TASOR2: variants seen among roughly 807,000 people sequenced by gnomAD.
The protein encoded by TASOR2 is transcription activation suppressor family member 2.
In TASOR2, 84 loss-of-function variants were observed where a neutral mutation model predicts 199.5. The ratio of observed to expected loss-of-function variants is 0.42; its 90% CI spans 0.35 to 0.50. TASOR2 has a LOEUF of 0.50. Ranked by LOEUF, TASOR2 falls within the 20% of genes least tolerant of loss-of-function variation. TASOR2 has a pLI of 0.02. For synonymous variants in TASOR2, 1,103 were observed against 1,046.6 expected, an observed-to-expected ratio of 1.05 and a Z score of -1.04; for missense variants, 2,796 against 2,835.9, an observed-to-expected ratio of 0.99 and a Z score of 0.32.
chr10:5,698,205 A>G lies in TASOR2; in HGVS notation c.-288+13030A>G, dbSNP rs1837384061. 6.6e-6 allele frequency among the ~76,000 whole-genome samples: 1 copy of G among 152,196 alleles called. No individual in the cohort carries two copies. The highest frequency in any genetic ancestry group is 2.4e-5 in the African/African-American group (1 of 41,444). Reference sequence around the variant, plus strand: ...GCCTAAGCCTTAAGAGGCCTTGGGTATTTTTATTTGTTCTCTTTCTATCTG... The same window carrying G: ...GCCTAAGCCTTAAGAGGCCTTGGGTGTTTTTATTTGTTCTCTTTCTATCTG... On this transcript the variant is annotated intron_variant, in intron 1 of 20. Transcript: ENST00000328090. The surrounding 1 kb of genome is among the most constrained non-coding windows in gnomAD (Gnocchi z 4.4).
chr10:5,733,954 A>T (rs1261781044), intron 11 of TASOR2, among the ~76,000 whole-genome samples: 1 of 152,202 alleles, frequency 6.6e-6, no homozygotes, highest in Non-Finnish European at 1.5e-5. Flanking sequence ...TTCTGAAAAC[A>T]TTTTTAAAAC....
intron 10 of TASOR2, among the ~76,000 whole-genome samples, chr10:5,728,044 G>A (rs1564305315): frequency 6.6e-6 from 1 of 151,810 alleles, no homozygotes; most frequent in African/African-American, 2.4e-5. Context: ...GCAACATGTT[G>A]AGACCCTGTT....
Position 5,750,104 on chromosome 10 carries a change from G to A in TASOR2, c.6606+77G>A. ...TAGAAATAATAAATTTAGCATATTAGCCATCAAAAAGAAATCATGGTATGA... is the reference window on the plus strand; with the variant it reads ...TAGAAATAATAAATTTAGCATATTAACCATCAAAAAGAAATCATGGTATGA... On this transcript the variant is annotated intron_variant, in intron 15 of 20. Transcript: ENST00000328090. This position sits in a 1 kb window ranked among gnomAD's most constrained non-coding sequence, Gnocchi z 5.4. 2.1e-6 allele frequency: 3 copies of A among 1,434,362 alleles called. No homozygotes were observed. In the South Asian group the frequency reaches 4.5e-5, roughly 21 times the overall value. The allele number at this position is 1,434,362 out of a possible 1,614,324, so 88.9% of individuals were successfully genotyped here. A position where few individuals can be genotyped will look rare whatever the true frequency, so the allele number is the denominator to read the frequency against.
intron 11 of TASOR2, among the ~76,000 whole-genome samples, chr10:5,731,428 T>G (rs1834797635): frequency 6.6e-6 from 1 of 152,152 alleles, no homozygotes; most frequent in Non-Finnish European, 1.5e-5. Context: ...CTCGGAAGGT[T>G]GAGGCACAAG....
chr10:5,746,902 G>T (rs1837304983), exon 15 of TASOR2: 2 of 1,614,084 alleles, frequency 1.2e-6, no homozygotes, highest in African/African-American at 2.7e-5. Context: ...GGTCATGGAG[G>T]CACTATCATT....
In TASOR2 at chr10:5,703,794, G is replaced by A. The variant is rs529128046; in HGVS notation, c.-287-9029G>A. On this transcript the variant is annotated intron_variant, in intron 1 of 20. Transcript: ENST00000328090. Reference sequence around the variant, plus strand: ...CGGGATTACAGGCGTGAGCCACCGCGCCCGGCCTCTGATGTTTTTATTTAA... The same window carrying A: ...CGGGATTACAGGCGTGAGCCACCGCACCCGGCCTCTGATGTTTTTATTTAA... 3.9e-5 allele frequency among the ~76,000 whole-genome samples: 6 copies of A among 152,106 alleles called. No homozygotes were observed. The East Asian group carries it at 9.7e-4, about 24-fold the overall frequency.
At position 5,756,791 on chromosome 10, in the gene TASOR2, T is replaced by G. The variant is rs562549926; in HGVS notation, c.6732+53T>G. On this transcript the variant is annotated intron_variant, in intron 16 of 20. Coordinates refer to ENST00000328090, the Ensembl canonical transcript of TASOR2. Reference sequence around the variant, plus strand: ...CGTATTCCAGGCACATAAGTTGTTCTGTAATGCTCAGACTCATCCCTCTTT... The same window carrying G: ...CGTATTCCAGGCACATAAGTTGTTCGGTAATGCTCAGACTCATCCCTCTTT... 35 of 1,583,708 alleles carry G rather than the reference T, an allele frequency of 2.2e-5. No homozygotes were observed. The African/African-American group carries it at 4.3e-4, about 20-fold the overall frequency.
At chr10:5,688,262 T>C (rs1430249849) in intron 1 of TASOR2, among the ~76,000 whole-genome samples, 4 of 152,192 alleles carry the variant, frequency 2.6e-5, no homozygotes, top group Admixed American at 6.5e-5. Context: ...TCTTGCTCTG[T>C]CGCCCAGGCT....
At chr10:5,694,253 C>T (rs1836866585) in intron 1 of TASOR2, among the ~76,000 whole-genome samples, 1 of 152,202 alleles carries the variant, frequency 6.6e-6, no homozygotes, top group African/African-American at 2.4e-5. Context: ...CCAAATTTTA[C>T]TTGTCCATGG....
At chr10:5,725,625 T>C (rs965627203) in intron 8 of TASOR2, among the ~76,000 whole-genome samples, 7 of 152,028 alleles carry the variant, frequency 4.6e-5, no homozygotes, top group African/African-American at 1.7e-4. Context: ...AACTTTTTTT[T>C]TTTAAACTAG....
chr10:5,712,473 T>G, intron 1 of TASOR2: 1 of 1,231,656 alleles, frequency 8.1e-7, no homozygotes, highest in Non-Finnish European at 1.0e-6. Flanking sequence ...ACTTGGACTC[T>G]TCATCTGAGC....
At position 5,687,587 on chromosome 10, in the gene TASOR2, A is replaced by C. The variant is rs1231973468; in HGVS notation, c.-288+2412A>C. 6.6e-6 allele frequency among the ~76,000 whole-genome samples: 1 copy of C among 152,260 alleles called. No individual in the cohort carries two copies. Among genetic ancestry groups the C allele is most frequent in the Non-Finnish European group, 1.5e-5 (1 of 68,040 alleles). On this transcript the variant is annotated intron_variant, in intron 1 of 20. Coordinates refer to ENST00000328090, the Ensembl canonical transcript of TASOR2. The surrounding 1 kb of genome is among the most constrained non-coding windows in gnomAD (Gnocchi z 4.8). ...GTAATCCCAGCACTTTGGGAGGCCA[A>C]GGCAGGTGGATCACTTGAGGTCAGG...
At chr10:5,745,906 G>A (rs983309187) in intron 14 of TASOR2, among the ~76,000 whole-genome samples, 1 of 152,146 alleles carries the variant, frequency 6.6e-6, no homozygotes, top group African/African-American at 2.4e-5. Flanking sequence ...AATTGTCAGT[G>A]GTCTAGTTAT....
exon 13 of TASOR2, chr10:5,739,754 C>G (rs1218615509): frequency 6.2e-7 from 1 of 1,614,176 alleles, no homozygotes; most frequent in Admixed American, 1.7e-5. Context: ...CCATCGTCAA[C>G]TATGACTCCC....
chr10:5,701,400 C>T lies in TASOR2; in HGVS notation c.-287-11423C>T, dbSNP rs1433332022. On this transcript the variant is annotated intron_variant, in intron 1 of 20. Transcript: ENST00000328090. The surrounding 1 kb of genome is among the most constrained non-coding windows in gnomAD (Gnocchi z 4.9). ...TTTGAAGTCAGGTAGTGTGATGCCTCCAGCTTTGTTGTTTTTGCTTAGTAT... is the reference window on the plus strand; with the variant it reads ...TTTGAAGTCAGGTAGTGTGATGCCTTCAGCTTTGTTGTTTTTGCTTAGTAT... Among the ~76,000 whole-genome samples the T allele has an allele frequency of 2.0e-5, 3 of 152,108 alleles. No homozygotes were observed. The highest frequency in any genetic ancestry group is 4.4e-5 in the Non-Finnish European group (3 of 68,012).
chr10:5,742,471 A>T lies in TASOR2; in HGVS notation c.2702A>T (p.Glu901Val), dbSNP rs1836577283. Residue 901 changes from glutamate (E) to valine (V), a missense_variant, in exon 14 of 21, where the codon GAG becomes GTG. Physicochemically the swap from Glu to Val is moderately radical, Grantham distance 121 (BLOSUM62 -2). This residue lies in a region of TASOR2 where 1,941 missense variants were observed against 1,924.9 expected (regional missense o/e 1.01). Coordinates refer to ENST00000328090, the Ensembl canonical transcript of TASOR2. This position sits in a 1 kb window ranked among gnomAD's most constrained non-coding sequence, Gnocchi z 4.2. ...GAACAGAAAAAAACTTTTGCAAGAG[A>T]GTGTGATCCAGACACCCAAGAAGAC... 1.2e-6 allele frequency: 2 copies of T among 1,613,912 alleles called. No homozygotes were observed. Among genetic ancestry groups the T allele is most frequent in the Non-Finnish European group, 1.7e-6 (2 of 1,180,026 alleles).
rs1837563443 is a variant in TASOR2, at chr10:5,748,657, A to C, written c.5236A>C (p.Asn1746His). Residue 1746 changes from asparagine (N) to histidine (H), a missense_variant, in exon 15 of 21, where the codon AAT (asparagine) becomes CAT (histidine). Asn to His is a moderately conservative substitution (Grantham distance 68). Around this residue, in one of 3 missense-constraint regions of TASOR2, gnomAD observed 1,941 missense variants for 1,924.9 expected, o/e 1.01. Coordinates refer to ENST00000328090, the Ensembl canonical transcript of TASOR2. This position sits in a 1 kb window ranked among gnomAD's most constrained non-coding sequence, Gnocchi z 5.1. Reference sequence around the variant, plus strand: ...AACATGTGAAACAAAGGAGCTATTGAATGTCGGGGTTTCCTCCCTTTGTGC... The same window carrying C: ...AACATGTGAAACAAAGGAGCTATTGCATGTCGGGGTTTCCTCCCTTTGTGC... 1 of 1,614,224 alleles carries C rather than the reference A, an allele frequency of 6.2e-7. No homozygotes were observed. Among genetic ancestry groups the C allele is most frequent in the African/African-American group, 1.3e-5 (1 of 75,056 alleles).
chr10:5,723,152 C>T (rs1334827477), intron 6 of TASOR2, among the ~76,000 whole-genome samples: 6 of 141,020 alleles, frequency 4.3e-5, no homozygotes, highest in South Asian at 2.4e-4. Flanking sequence ...CCTGGGTTCA[C>T]GCCATTCTCC....
At chr10:5,686,705 C>T (rs1835853935) in intron 1 of TASOR2, among the ~76,000 whole-genome samples, 5 of 152,194 alleles carry the variant, frequency 3.3e-5, no homozygotes, top group Admixed American at 2.6e-4. Flanking sequence ...ATCTTAGCCA[C>T]CTAGTAATTG....
Sources: allele counts gnomAD v4.1 joint callset (sites outside exome capture counted in the v4.1 genomes callset), GRCh38; gene constraint gnomAD v4.1.1; regional missense constraint gnomAD v4.1.1; non-coding constraint Gnocchi (gnomAD v3.1); transcripts MANE v1.5; gene names NCBI Gene and HGNC (gene_info 2026-07-23, HGNC 2026-07-21).